The following FAT1 variants were observed in gnomAD, a reference collection of about 807,000 sequenced individuals.
The protein encoded by FAT1 is protocadherin Fat 1.
A neutral mutation model predicts 329.8 loss-of-function variants in FAT1; 171 were observed. The ratio of observed to expected loss-of-function variants is 0.52; its 90% CI spans 0.46 to 0.59. The LOEUF (loss-of-function observed/expected upper bound fraction) is 0.59. Among genes scored for constraint, FAT1 ranks in the 20% least tolerant of loss-of-function variants. The pLI, the probability that FAT1 is intolerant of heterozygous loss-of-function variation, is 0.00. For missense variants in FAT1, 5,672 were observed against 5,774.4 expected (o/e 0.98, Z 0.57); for synonymous variants, 2,233 against 2,228.6 (o/e 1.00, Z -0.06).
chr4:186,691,454 T>TAC (rs1433640203), intron 2 of FAT1, among the ~76,000 whole-genome samples: 1 of 152,212 alleles, frequency 6.6e-6, no homozygotes, highest in African/African-American at 2.4e-5. Context: ...ACTAACTTGT[T>TAC]ACAGAATCTT....
chr4:186,606,537 T>C (rs1739146213), intron 16 of FAT1, among the ~76,000 whole-genome samples: 1 of 152,174 alleles, frequency 6.6e-6, no homozygotes, highest in Non-Finnish European at 1.5e-5. Context: ...GACAAGAAGT[T>C]AACATATCTC....
At chr4:186,701,987 C>A (rs768359644) in intron 2 of FAT1, among the ~76,000 whole-genome samples, 1 of 99,088 alleles carries the variant, frequency 1.0e-5, no homozygotes, top group Non-Finnish European at 2.0e-5. Flanking sequence ...GGGATGAGGC[C>A]AGGAGCCGAC....
Position 186,620,588 on chromosome 4 carries a change from C to T in FAT1, c.5998G>A (p.Val2000Ile), listed in dbSNP as rs1295059136. The change falls in exon 10 of 27, where the codon GTC becomes ATC. Residue 2000 changes from valine (V) to isoleucine (I), a missense_variant. Physicochemically the swap from Val to Ile is conservative, Grantham distance 29 (BLOSUM62 3). This residue lies in a region of FAT1 where 3,966 missense variants were observed against 3,915.2 expected (regional missense o/e 1.01). Transcript: ENST00000441802. ...ENSTEAETLAVITAIGNPINE... is the reference protein window; with the variant it reads ...ENSTEAETLAIITAIGNPINE... ...ATTGGATTCCCAATAGCAGTAATGA[C>T]AGCTAATGTTTCGGCCTCGGTGGAA... 4.3e-6 allele frequency: 7 copies of T among 1,613,990 alleles called. No individual in the cohort carries two copies. The highest frequency in any genetic ancestry group is 5.9e-6 in the Non-Finnish European group (7 of 1,179,898).
At chr4:186,668,014 G>A (rs1218278087) in intron 2 of FAT1, among the ~76,000 whole-genome samples, 1 of 152,190 alleles carries the variant, frequency 6.6e-6, no homozygotes, top group Non-Finnish European at 1.5e-5. Flanking sequence ...GAGTTTCCCA[G>A]TGTGGAAGGA....
intron 3 of FAT1, among the ~76,000 whole-genome samples, chr4:186,652,082 G>A (rs1401935310): frequency 6.6e-6 from 1 of 152,170 alleles, no homozygotes; most frequent in East Asian, 1.9e-4. Flanking sequence ...GTCACATGGG[G>A]AGTCATACAG....
chr4:186,633,572 GATTTTAGAC>G lies in FAT1; in HGVS notation c.4323+103_4323+111del, dbSNP rs947509823. The G allele has an allele frequency of 7.1e-6, 8 of 1,132,582 alleles. No individual in the cohort carries two copies. The African/African-American group carries it at 1.2e-4, about 17-fold the overall frequency. 70.2% of individuals were successfully genotyped at this position (1,132,582 alleles called of 1,614,324 possible). A position where few individuals can be genotyped will look rare whatever the true frequency, so the allele number is the denominator to read the frequency against. On this transcript the variant is annotated intron_variant, in intron 7 of 26. Coordinates refer to ENST00000441802, the MANE Select transcript of FAT1 (RefSeq NM_005245.4). Reference sequence around the variant, plus strand: ...TTAGTGTGCATGTGTGTAAACTTCTGATTTTAGACCCTCACAGGGCAGAATCCACCGCTC... The same window carrying G: ...TTAGTGTGCATGTGTGTAAACTTCTGCCTCACAGGGCAGAATCCACCGCTC...
chr4:186,659,940 G>A (rs1243952590), intron 3 of FAT1, among the ~76,000 whole-genome samples: 2 of 142,678 alleles, frequency 1.4e-5, no homozygotes, highest in African/African-American at 2.6e-5. Flanking sequence ...CCTGAACGAC[G>A]CTGGGCGCTC....
rs765412973 is a variant in FAT1 at position 186,708,321 on chromosome 4, C to T, written c.1507G>A (p.Ala503Thr). Residue 503 changes from alanine (A) to threonine (T), a missense_variant, in exon 2 of 27, where the codon GCA becomes ACA. This residue lies in a region of FAT1 where 3,966 missense variants were observed against 3,915.2 expected (regional missense o/e 1.01). Coordinates refer to ENST00000441802, the MANE Select transcript of FAT1 (RefSeq NM_005245.4). ...GENGYVTYSIANLNHVPFAID... is the reference protein window; with the variant it reads ...GENGYVTYSITNLNHVPFAID... ...GCAAACGGCACATGATTTAAATTTG[C>T]GATACTGTATGTCACGTACCCGTTC... is the stretch of plus-strand genomic sequence containing the variant. 6.8e-6 allele frequency: 11 copies of T among 1,613,928 alleles called. No individual in the cohort carries two copies. The highest frequency in any genetic ancestry group is 3.3e-5 in the South Asian group (3 of 91,080).
Position 186,598,017 on chromosome 4 carries a change from T to C in FAT1, c.12212A>G (p.Asn4071Ser), listed in dbSNP as rs778058808. 8.1e-6 allele frequency: 13 copies of C among 1,613,590 alleles called. No homozygotes were observed. The highest frequency in any genetic ancestry group is 4.4e-5 in the South Asian group (4 of 90,988). The part of the protein sequence containing the change: ...CLYGGTCVVD[N>S]GGFVCQCRGL... ...TCTACACTGGCAAACAAAGCCTCCG[T>C]TGTCGACAACACACGTGCCCCCATA... The change falls in exon 23 of 27, where the codon AAC becomes AGC. Residue 4071 changes from asparagine (N) to serine (S), a missense_variant. By Grantham distance (46) the Asn-to-Ser change is conservative. Coordinates refer to ENST00000441802, the MANE Select transcript of FAT1 (RefSeq NM_005245.4).
intron 2 of FAT1, among the ~76,000 whole-genome samples, chr4:186,668,860 A>G (rs1742592017): frequency 6.6e-6 from 1 of 152,218 alleles, no homozygotes; most frequent in Non-Finnish European, 1.5e-5. Flanking sequence ...ACATCCAGTC[A>G]TCACTGGATG....
intron 3 of FAT1, among the ~76,000 whole-genome samples, chr4:186,642,420 T>C (rs1461563802): frequency 6.6e-6 from 1 of 152,228 alleles, no homozygotes; most frequent in African/African-American, 2.4e-5. Flanking sequence ...CTCACATAGC[T>C]ATCTCTCCGT....
chr4:186,667,964 G>A (rs1477998485), intron 2 of FAT1, among the ~76,000 whole-genome samples: 1 of 152,148 alleles, frequency 6.6e-6, no homozygotes, highest in East Asian at 1.9e-4. Flanking sequence ...AAAGGTGCTG[G>A]GGACCTGGTG....
At chr4:186,614,649 C>T (rs1579321888) in intron 11 of FAT1, among the ~76,000 whole-genome samples, 3 of 152,258 alleles carry the variant, frequency 2.0e-5, no homozygotes, top group South Asian at 4.2e-4. Flanking sequence ...TATGAGAAAA[C>T]GTAAGTACTA....
At chr4:186,610,062 A>G (rs753779382) in intron 14 of FAT1, 47 bp from the exon 15 acceptor site, 2 of 1,170,676 alleles carry the variant, frequency 1.7e-6, no homozygotes, top group Admixed American at 3.6e-5. Flanking sequence ...ATGCCACCAC[A>G]TTTTCCCACT....
intron 6 of FAT1, 47 bp from the exon 7 acceptor site, chr4:186,633,870 T>A (rs1471286337): frequency 1.9e-6 from 3 of 1,605,484 alleles, no homozygotes; most frequent in Non-Finnish European, 2.6e-6. Flanking sequence ...GATAACACTC[T>A]GTAGTTTATT....
intron 26 of FAT1, among the ~76,000 whole-genome samples, chr4:186,590,109 A>AAAT (rs1239260168): frequency 3.3e-5 from 5 of 152,030 alleles, no homozygotes; most frequent in African/African-American, 1.2e-4. Context: ...AGACTATATA[A>AAAT]AGCACCACTA....
At chr4:186,696,151 G>A (rs1223708395) in intron 2 of FAT1, among the ~76,000 whole-genome samples, 2 of 152,134 alleles carry the variant, frequency 1.3e-5, no homozygotes, top group African/African-American at 4.8e-5. Context: ...TTGATACTTT[G>A]TAGATATGAA....
chr4:186,626,065 C>T (rs77186794), intron 9 of FAT1, among the ~76,000 whole-genome samples: 120 of 97,764 alleles, frequency 1.2e-3, no homozygotes, highest in African/African-American at 2.1e-3. Flanking sequence ...GCACATAAAG[C>T]GAGCTTCATC....
At chr4:186,690,423 C>A (rs1743699435) in intron 2 of FAT1, among the ~76,000 whole-genome samples, 1 of 152,148 alleles carries the variant, frequency 6.6e-6, no homozygotes, top group Admixed American at 6.5e-5. Flanking sequence ...TAATAGCCTG[C>A]ACGGTGGCTC....
Sources: allele counts gnomAD v4.1 joint callset (sites outside exome capture counted in the v4.1 genomes callset), GRCh38; gene constraint gnomAD v4.1.1; regional missense constraint gnomAD v4.1.1; transcripts MANE v1.5; gene names NCBI Gene and HGNC (gene_info 2026-07-23, HGNC 2026-07-21).